The following SEMA3C variants were observed in gnomAD, a reference collection of about 807,000 sequenced individuals.
SEMA3C encodes semaphorin 3C.
In SEMA3C, 47 loss-of-function variants were observed where a neutral mutation model predicts 89.4. The observed-to-expected ratio is 0.53, with a 90% CI of 0.42 to 0.67. SEMA3C has a LOEUF of 0.67. Among genes scored for constraint, SEMA3C ranks in the 30% least tolerant of loss-of-function variants. SEMA3C has a pLI of 0.00. For missense variants in SEMA3C, 839 were observed against 929.1 expected, an observed-to-expected ratio of 0.90 and a Z score of 1.26; for synonymous variants, 310 against 320.2, an observed-to-expected ratio of 0.97 and a Z score of 0.34.
At chr7:80,906,544 GA>G (rs1255153076) in intron 2 of SEMA3C, among the ~76,000 whole-genome samples, 5 of 151,250 alleles carry the variant, frequency 3.3e-5, no homozygotes, top group African/African-American at 7.3e-5. Context: ...AAAAAGAAGA[GA>G]AAAAAAAGAG....
chr7:80,790,685 A>T (rs1788916739), intron 11 of SEMA3C, among the ~76,000 whole-genome samples: 1 of 152,164 alleles, frequency 6.6e-6, no homozygotes. Flanking sequence ...GAAAGTGATG[A>T]CATATAAAAG....
rs187847423 is a variant in SEMA3C, at chr7:80,864,775, T to C, written c.104-36030A>G. ...TGAAATTCTCATTTTCCCAAATGCC[T>C]ACTCAATACCTCTTCTTGATTTTTC... is the stretch of plus-strand genomic sequence containing the variant. On this transcript the variant is annotated intron_variant, in intron 2 of 17. Transcript: ENST00000265361. Among the ~76,000 whole-genome samples the C allele has an allele frequency of 3.9e-5, 6 of 152,308 alleles. No homozygotes were observed. In the East Asian group the frequency reaches 1.2e-3, roughly 29 times the overall value.
intron 5 of SEMA3C, among the ~76,000 whole-genome samples, chr7:80,817,566 C>T (rs1461542014): frequency 2.0e-5 from 3 of 151,700 alleles, no homozygotes; most frequent in Non-Finnish European, 4.4e-5. Flanking sequence ...ACTGGGATAA[C>T]AAAGACAGGC....
chr7:80,800,050 G>T (rs2115656147), intron 10 of SEMA3C, among the ~76,000 whole-genome samples: 1 of 151,088 alleles, frequency 6.6e-6, no homozygotes, highest in East Asian at 2.0e-4. Flanking sequence ...CTACTTGGGA[G>T]GCTGAGGCAG....
In SEMA3C at chr7:80,805,714, C is replaced by T. The variant is rs767237094; in HGVS notation, c.583G>A (p.Asp195Asn). The T allele has an allele frequency of 6.2e-7, 1 of 1,608,532 alleles. No individual in the cohort carries two copies. The highest frequency in any genetic ancestry group is 8.5e-7 in the Non-Finnish European group (1 of 1,175,388). ...SGMYIDFMGT[D>N]AAIFRSLTKR... ...GTTAAACTTCGAAAAATAGCAGCAT[C>T]TGTCCCCATGAAATCTATATACATT... The change falls in exon 7 of 18, where the codon GAT (aspartate) becomes AAT (asparagine). Residue 195 changes from aspartate (D) to asparagine (N), a missense_variant. Coordinates refer to ENST00000265361, the MANE Select transcript of SEMA3C (RefSeq NM_006379.5).
chr7:80,780,084 T>C (rs1281621158), intron 12 of SEMA3C, among the ~76,000 whole-genome samples: 5 of 152,194 alleles, frequency 3.3e-5, no homozygotes, highest in African/African-American at 9.7e-5. Context: ...TAAGCAATCA[T>C]CCTTAGGAGC....
upstream of SEMA3C, chr7:80,919,275 TCGCGGCTGGCCAGACGCAAGAATG>T (rs540103712): frequency 6.4e-4 from 631 of 985,228 alleles, 6 homozygotes; most frequent in African/African-American, 0.01. Context: ...CCCTTAGAGC[TCGCGGCTGGCCAGACGCAAGAATG>T]CGCGGCCGCA....
chr7:80,909,049 T>A (rs1407680813), intron 2 of SEMA3C, among the ~76,000 whole-genome samples: 1 of 152,098 alleles, frequency 6.6e-6, no homozygotes, highest in South Asian at 2.1e-4. Context: ...TATTCAAATA[T>A]AATGTAATTT....
At chr7:80,879,800 C>T (rs575362138) in intron 2 of SEMA3C, among the ~76,000 whole-genome samples, 27 of 152,174 alleles carry the variant, frequency 1.8e-4, no homozygotes, top group African/African-American at 3.4e-4. Flanking sequence ...GGAGGCAAAC[C>T]ACAGAGGTTA....
intron 5 of SEMA3C, among the ~76,000 whole-genome samples, chr7:80,812,399 T>C (rs2115725343): frequency 6.6e-6 from 1 of 152,296 alleles, no homozygotes; most frequent in African/African-American, 2.4e-5. Flanking sequence ...TCCTAGTGAA[T>C]CCGATTTCCA....
rs370685890 is a variant in SEMA3C at position 80,910,859 on chromosome 7, TC to T, written c.103+5819del. On this transcript the variant is annotated intron_variant, in intron 2 of 17. Transcript: ENST00000265361. ...ATATCCATGAAAAAGAACATCTGAA[TC>T]TTTTGTTTTAAAAGACAGTGCAAGG... Among the ~76,000 whole-genome samples, 7 of 152,188 alleles carry T rather than the reference TC, an allele frequency of 4.6e-5. No homozygotes were observed. The South Asian group carries it at 1.5e-3, about 32-fold the overall frequency.
intron 5 of SEMA3C, among the ~76,000 whole-genome samples, chr7:80,816,824 A>G (rs916898117): frequency 6.6e-6 from 1 of 152,224 alleles, no homozygotes; most frequent in Non-Finnish European, 1.5e-5. Flanking sequence ...AATGTATTCC[A>G]TGCTGGTTTT....
intron 2 of SEMA3C, among the ~76,000 whole-genome samples, chr7:80,903,596 AG>A (rs2116208900): frequency 6.6e-6 from 1 of 152,282 alleles, no homozygotes; most frequent in South Asian, 2.1e-4. Flanking sequence ...CAGGAGGCAA[AG>A]GTTGCAGTGA....
intron 12 of SEMA3C, among the ~76,000 whole-genome samples, chr7:80,787,105 A>G (rs1788821045): frequency 6.6e-6 from 1 of 152,006 alleles, no homozygotes; most frequent in South Asian, 2.1e-4. Flanking sequence ...AAAAAAGGGG[A>G]CCATAAGGCC....
chr7:80,801,031 T>G (rs2115661971), intron 9 of SEMA3C, among the ~76,000 whole-genome samples: 1 of 152,144 alleles, frequency 6.6e-6, no homozygotes, highest in Non-Finnish European at 1.5e-5. Flanking sequence ...TTATGAAAAT[T>G]TTGTATCCTT....
intron 10 of SEMA3C, 46 bp from the exon 11 acceptor site, chr7:80,798,282 A>G: frequency 7.5e-7 from 1 of 1,330,690 alleles, no homozygotes; most frequent in Non-Finnish European, 9.8e-7. Context: ...TTTAAAATTA[A>G]AATACAATTT....
intron 12 of SEMA3C, among the ~76,000 whole-genome samples, chr7:80,786,646 G>A (rs556489086): frequency 2.6e-5 from 4 of 152,194 alleles, no homozygotes; most frequent in Non-Finnish European, 5.9e-5. Context: ...GGCTGTATCT[G>A]TAGAGAACAA....
intron 2 of SEMA3C, among the ~76,000 whole-genome samples, chr7:80,889,578 T>C (rs912865427): frequency 3.3e-5 from 5 of 152,286 alleles, no homozygotes; most frequent in African/African-American, 1.2e-4. Context: ...TACAGATGTA[T>C]TATGCATTAT....
At chr7:80,828,526 T>A (rs1489134515) in intron 3 of SEMA3C, 59 bp downstream of exon 3, 1 of 1,381,144 alleles carries the variant, frequency 7.2e-7, no homozygotes, top group Non-Finnish European at 9.9e-7. Flanking sequence ...TTATTTATTT[T>A]TTTTAAAAAA....
Sources: gnomAD v4.1 joint callset for allele counts (sites outside exome capture counted in the v4.1 genomes callset) on GRCh38, gnomAD v4.1.1 for gene constraint, MANE v1.5 for transcripts, NCBI Gene and HGNC (gene_info 2026-07-23, HGNC 2026-07-21) for gene names.